The following ZNF254 variants were observed in gnomAD, a reference collection of about 807,000 sequenced individuals.
The protein encoded by ZNF254 is CTD-2017D11.1.
A neutral mutation model predicts 12.4 loss-of-function variants in ZNF254; 10 were observed. The observed-to-expected ratio is 0.80, with a 90% CI of 0.50 to 1.36. ZNF254 has a LOEUF of 1.36. ZNF254 is among the 40% of genes most tolerant of loss of function. The probability of loss-of-function intolerance (pLI) is 0.00; values close to 1 mark genes in which losing one functional copy is unlikely to be tolerated. For synonymous variants in ZNF254, 305 were observed against 253.4 expected, an observed-to-expected ratio of 1.20 and a Z score of -1.93; for missense variants, 996 against 763.9, an observed-to-expected ratio of 1.30 and a Z score of -3.58.
At chr19:24,048,101 C>T (rs1457944912) in intron 2 of ZNF254, among the ~76,000 whole-genome samples, 3 of 128,590 alleles carry the variant, frequency 2.3e-5, no homozygotes, top group Non-Finnish European at 3.1e-5. Context: ...CAGCTTTGGG[C>T]GCGAGCTCCA....
chr19:24,094,201 A>T (rs1972546429), intron 1 of ZNF254, among the ~76,000 whole-genome samples: 1 of 152,174 alleles, frequency 6.6e-6, no homozygotes, highest in Admixed American at 6.5e-5. Flanking sequence ...ATGGAGAATT[A>T]TGTTGTCTGC....
At chr19:24,119,572 C>T (rs1974341985) in intron 3 of ZNF254, among the ~76,000 whole-genome samples, 1 of 152,050 alleles carries the variant, frequency 6.6e-6, no homozygotes, top group South Asian at 2.1e-4. Flanking sequence ...TCACTGCAGC[C>T]TCAACCTCCC....
intron 1 of ZNF254, among the ~76,000 whole-genome samples, chr19:24,034,286 C>T (rs1306329595): frequency 6.6e-6 from 1 of 151,424 alleles, no homozygotes; most frequent in Non-Finnish European, 1.5e-5. Context: ...TGCAGATGTC[C>T]CAGCCTGCTC....
rs12611040 is a variant in ZNF254 at position 24,126,961 on chromosome 19, C to T, written c.961C>T (p.Pro321Ser). The T allele has an allele frequency of 2.9e-4, 475 of 1,613,452 alleles. 4 individuals carry two copies. The East Asian group carries it at 9.8e-3, about 33-fold the overall frequency. The change falls in exon 4 of 4, where the codon CCC (proline) becomes TCC (serine). Residue 321 changes from proline to serine, a missense_variant. By Grantham distance (74) the Pro-to-Ser change is moderately conservative (BLOSUM62 -1). Coordinates refer to ENST00000357002, the MANE Select transcript of ZNF254 (RefSeq NM_203282.4). ...EHKKIHTRKK[P>S]YKCEECGKAF... ...TAAGAAAATTCATACTAGAAAGAAA[C>T]CCTACAAGTGTGAAGAATGTGGCAA...
At chr19:24,048,140 C>G (rs1248742778) in intron 2 of ZNF254, among the ~76,000 whole-genome samples, 1 of 149,608 alleles carries the variant, frequency 6.7e-6, no homozygotes, top group Non-Finnish European at 1.5e-5. Flanking sequence ...GACCTAGTGG[C>G]TTCCTGGTCA....
intron 2 of ZNF254, among the ~76,000 whole-genome samples, chr19:24,061,554 C>T (rs533728567): frequency 6.6e-6 from 1 of 152,170 alleles, no homozygotes; most frequent in African/African-American, 2.4e-5. Context: ...TTGTAACATG[C>T]CACTGGTTGA....
chr19:24,053,037 G>A (rs937480421), intron 2 of ZNF254, among the ~76,000 whole-genome samples: 3 of 152,162 alleles, frequency 2.0e-5, no homozygotes, highest in Admixed American at 6.5e-5. Context: ...CATATGCATA[G>A]CCTGCCAACA....
In ZNF254 at chr19:24,114,319, C is replaced by T. The variant is rs575027297; in HGVS notation, c.253+7676C>T. 4.8e-3 allele frequency among the ~76,000 whole-genome samples: 693 copies of T among 144,268 alleles called. 4 individuals carry two copies. Among genetic ancestry groups the T allele is most frequent in the African/African-American group, 0.017 (661 of 39,004 alleles). 94.6% of individuals were successfully genotyped at this position (144,268 alleles called of 152,430 possible). ...TAACCAAAACAGCATGGTACTGGTA[C>T]GAAAACAGAGATATAGATCAATGGA... On this transcript the variant is annotated intron_variant, in intron 3 of 3. Transcript: ENST00000357002.
At chr19:24,113,363 A>T (rs951781221) in intron 3 of ZNF254, among the ~76,000 whole-genome samples, 1 of 152,340 alleles carries the variant, frequency 6.6e-6, no homozygotes, top group East Asian at 1.9e-4. Flanking sequence ...CCTGGGATGC[A>T]GGGCTGGTTC....
intron 1 of ZNF254, chr19:24,098,797 C>T (rs967086699): frequency 1.3e-5 from 2 of 152,080 alleles, no homozygotes; most frequent in Non-Finnish European, 2.9e-5. Flanking sequence ...CTCTGAAAGA[C>T]AGGCTATTAC....
intron 3 of ZNF254, among the ~76,000 whole-genome samples, chr19:24,120,767 A>G (rs1386706680): frequency 6.6e-6 from 1 of 151,834 alleles, no homozygotes; most frequent in Non-Finnish European, 1.5e-5. Flanking sequence ...GGTTCACGCC[A>G]TTTTCCTGCC....
intron 1 of ZNF254, among the ~76,000 whole-genome samples, chr19:24,044,264 C>A (rs958509533): frequency 6.7e-5 from 10 of 149,960 alleles, no homozygotes; most frequent in Non-Finnish European, 7.4e-5. Context: ...ACAGGCTGGG[C>A]GCGGTGGCTC....
chr19:24,118,441 T>A (rs1974259699), intron 3 of ZNF254, among the ~76,000 whole-genome samples: 1 of 152,142 alleles, frequency 6.6e-6, no homozygotes, highest in South Asian at 2.1e-4. Context: ...TCTTTTTCGT[T>A]GTGATTTTTA....
At chr19:24,056,290 A>G (rs2145360342) in intron 2 of ZNF254, among the ~76,000 whole-genome samples, 1 of 152,188 alleles carries the variant, frequency 6.6e-6, no homozygotes, top group African/African-American at 2.4e-5. Context: ...CTGGTAATGT[A>G]ACTCTACTGC....
At position 24,105,794 on chromosome 19, in the gene ZNF254, A is replaced by G. The variant is rs1313222119; in HGVS notation, c.31-146A>G. The G allele has an allele frequency of 6.1e-6, 8 of 1,307,074 alleles. No homozygotes were observed. In the South Asian group the frequency reaches 8.2e-5, roughly 13 times the overall value. 81.0% of individuals were successfully genotyped at this position (1,307,074 alleles called of 1,614,324 possible). ...TTAGAGAATACATTAGAAAATGTTC[A>G]TGTGTTGACAATTATTTTATTGGAT... On this transcript the variant is annotated intron_variant, in intron 1 of 3. Coordinates refer to ENST00000357002, the MANE Select transcript of ZNF254 (RefSeq NM_203282.4).
At position 24,111,034 on chromosome 19, in the gene ZNF254, G is replaced by A. The variant is rs1384795119; in HGVS notation, c.253+4391G>A. Among the ~76,000 whole-genome samples, 5 of 151,848 alleles carry A rather than the reference G, an allele frequency of 3.3e-5. No individual in the cohort carries two copies. The East Asian group carries it at 9.7e-4, about 29-fold the overall frequency. ...AGTTACATATGTATACATGTGCCAT[G>A]CTGGTGTGCTGCACCCATTAGCTCG... On this transcript the variant is annotated intron_variant, in intron 3 of 3. Transcript: ENST00000357002.
At position 24,126,724 on chromosome 19, in the gene ZNF254, G is replaced by A; in HGVS notation, c.724G>A (p.Glu242Lys). Residue 242 changes from glutamate (E) to lysine (K), a missense_variant, in exon 4 of 4, where the codon GAA becomes AAA. Coordinates refer to ENST00000357002, the MANE Select transcript of ZNF254 (RefSeq NM_203282.4). ...TGAAGAGAAACCTTACAAATGTGAAGAATATAACAAATCTCCTAAGCAACT... is the reference window on the plus strand; with the variant it reads ...TGAAGAGAAACCTTACAAATGTGAAAAATATAACAAATCTCCTAAGCAACT... Reference protein sequence around the residue: ...YTEEKPYKCEEYNKSPKQLST... With the variant: ...YTEEKPYKCEKYNKSPKQLST... 6.2e-7 allele frequency: 1 copy of A among 1,613,386 alleles called. No individual in the cohort carries two copies. Among genetic ancestry groups the A allele is most frequent in the Non-Finnish European group, 8.5e-7 (1 of 1,179,736 alleles).
At chr19:24,119,261 G>A (rs148527200) in intron 3 of ZNF254, among the ~76,000 whole-genome samples, 3 of 151,616 alleles carry the variant, frequency 2.0e-5, no homozygotes, top group African/African-American at 7.3e-5. Context: ...ACACAATCTC[G>A]GCTCACTGCA....
intron 1 of ZNF254, among the ~76,000 whole-genome samples, chr19:24,041,649 CT>C (rs1970168115): frequency 6.6e-6 from 1 of 152,256 alleles, no homozygotes; most frequent in African/African-American, 2.4e-5. Flanking sequence ...GCACCACCCC[CT>C]GCTCCACGGC....
Sources: allele counts gnomAD v4.1 joint callset (sites outside exome capture counted in the v4.1 genomes callset), GRCh38; gene constraint gnomAD v4.1.1; transcripts MANE v1.5; gene names NCBI Gene and HGNC (gene_info 2026-07-23, HGNC 2026-07-21).